JAZF1: variants seen among roughly 807,000 people sequenced by gnomAD.
The protein encoded by JAZF1 is JAZF zinc finger 1, also known as juxtaposed with another zinc finger protein 1.
A neutral mutation model predicts 26.4 loss-of-function variants in JAZF1; 8 were observed. That is an observed-to-expected ratio of 0.30 (90% CI 0.18 to 0.55). The LOEUF is 0.55. Ranked by LOEUF, JAZF1 falls within the 20% of genes least tolerant of loss-of-function variation. JAZF1 has a pLI of 0.94. For synonymous variants in JAZF1, 126 were observed against 122.3 expected, an observed-to-expected ratio of 1.03 and a Z score of -0.20; for missense variants, 199 against 322.0, an observed-to-expected ratio of 0.62 and a Z score of 2.92.
chr7:27,969,724 T>C (rs1441727932), intron 2 of JAZF1, among the ~76,000 whole-genome samples: 1 of 152,168 alleles, frequency 6.6e-6, no homozygotes. Context: ...CCACACAGTC[T>C]GTATGTCTGG....
intron 1 of JAZF1, among the ~76,000 whole-genome samples, chr7:28,135,575 C>A (rs973499660): frequency 6.6e-6 from 1 of 152,172 alleles, no homozygotes; most frequent in African/African-American, 2.4e-5. Flanking sequence ...AACCGCCCCC[C>A]ACACATGGAC....
At chr7:28,180,124 G>T (rs2127957315) in intron 1 of JAZF1, among the ~76,000 whole-genome samples, 1 of 129,060 alleles carries the variant, frequency 7.7e-6, no homozygotes, top group Middle Eastern at 4.5e-3. Context: ...CGCCCCGCGC[G>T]CCGGCACTCG....
At chr7:28,169,785 A>G (rs1368807150) in intron 1 of JAZF1, among the ~76,000 whole-genome samples, 2 of 152,228 alleles carry the variant, frequency 1.3e-5, no homozygotes, top group Non-Finnish European at 2.9e-5. Context: ...CTGTACAAGT[A>G]TGCCTCTACA....
intron 2 of JAZF1, among the ~76,000 whole-genome samples, chr7:27,973,472 A>AT (rs1785414124): frequency 6.6e-6 from 1 of 151,940 alleles, no homozygotes; most frequent in African/African-American, 2.4e-5. Context: ...TAATTTAAAA[A>AT]TTTTTTTGAA....
chr7:28,073,117 C>T (rs1219058493), intron 1 of JAZF1, among the ~76,000 whole-genome samples: 2 of 152,182 alleles, frequency 1.3e-5, no homozygotes, highest in Non-Finnish European at 2.9e-5. Flanking sequence ...CAAAACACAA[C>T]ACTATCGTCT....
intron 1 of JAZF1, among the ~76,000 whole-genome samples, chr7:28,122,004 T>G (rs965693684): frequency 1.3e-5 from 2 of 152,216 alleles, no homozygotes; most frequent in African/African-American, 2.4e-5. Flanking sequence ...CAAAGAATAT[T>G]CCTTGCATTT....
chr7:28,008,635 A>G (rs918884262), intron 1 of JAZF1, among the ~76,000 whole-genome samples: 3 of 152,244 alleles, frequency 2.0e-5, no homozygotes, highest in Non-Finnish European at 4.4e-5. Flanking sequence ...ACACTAAAAC[A>G]GAAACCTGAA....
chr7:28,139,007 G>A (rs1583580909), intron 1 of JAZF1, among the ~76,000 whole-genome samples: 1 of 53,490 alleles, frequency 1.9e-5, no homozygotes, highest in Non-Finnish European at 6.0e-5. Flanking sequence ...GACCTGAAGT[G>A]GAGGGGCTGA....
chr7:27,907,491 C>T (rs527633433), intron 2 of JAZF1, among the ~76,000 whole-genome samples: 2 of 152,254 alleles, frequency 1.3e-5, no homozygotes, highest in South Asian at 2.1e-4. Flanking sequence ...AGATAGGTAT[C>T]GAAGCCTGGG....
intron 2 of JAZF1, among the ~76,000 whole-genome samples, chr7:27,953,024 A>G (rs542360981): frequency 6.6e-4 from 100 of 152,264 alleles, no homozygotes; most frequent in Non-Finnish European, 1.1e-3. Context: ...AGGCAGTAAC[A>G]TAGGATATTA....
chr7:27,964,369 G>C (rs1413951194), intron 2 of JAZF1, among the ~76,000 whole-genome samples: 2 of 152,110 alleles, frequency 1.3e-5, no homozygotes, highest in Non-Finnish European at 2.9e-5. Context: ...GCATGTTTCG[G>C]TGAACTCTAT....
At chr7:28,005,041 T>C (rs1029064262) in intron 1 of JAZF1, among the ~76,000 whole-genome samples, 1 of 152,190 alleles carries the variant, frequency 6.6e-6, no homozygotes. Context: ...TTAGTAATTA[T>C]GTAGACAAGT....
intron 1 of JAZF1, among the ~76,000 whole-genome samples, chr7:28,105,667 A>C (rs1251743160): frequency 6.6e-6 from 1 of 152,216 alleles, no homozygotes; most frequent in East Asian, 1.9e-4. Flanking sequence ...TTAAGACTTA[A>C]TCAGCTTAAT....
At chr7:28,173,697 G>A (rs1460695965) in intron 1 of JAZF1, among the ~76,000 whole-genome samples, 2 of 151,996 alleles carry the variant, frequency 1.3e-5, no homozygotes, top group African/African-American at 2.4e-5. Context: ...AGGCCAGTGG[G>A]TGAGCTGGGC....
chr7:27,849,956 C>G (rs1015012420), intron 3 of JAZF1, among the ~76,000 whole-genome samples: 3 of 152,032 alleles, frequency 2.0e-5, no homozygotes, highest in Admixed American at 6.5e-5. Context: ...GGAGATGGCC[C>G]AATTCTGTTT....
At chr7:27,866,977 C>A (rs1480819761) in intron 3 of JAZF1, among the ~76,000 whole-genome samples, 1 of 152,206 alleles carries the variant, frequency 6.6e-6, no homozygotes, top group African/African-American at 2.4e-5. Context: ...GAGTGCCTCA[C>A]TCTTAACGAC....
intron 2 of JAZF1, among the ~76,000 whole-genome samples, chr7:27,988,996 A>G (rs1485995913): frequency 1.3e-5 from 2 of 151,708 alleles, no homozygotes; most frequent in Non-Finnish European, 2.9e-5. Context: ...TCCTAAGCCA[A>G]AACAACAAAG....
chr7:28,042,761 C>T lies in JAZF1; in HGVS notation c.116-50780G>A, dbSNP rs115939311. On this transcript the variant is annotated intron_variant, in intron 1 of 4. Coordinates refer to ENST00000283928, the MANE Select transcript of JAZF1 (RefSeq NM_175061.4). ...AATACCATTGTGTTATAATCACCTA[C>T]AGTATTCAGTACAGTAACATACTAT... Among the ~76,000 whole-genome samples, 633 of 152,248 alleles carry T rather than the reference C, an allele frequency of 4.2e-3. 10 individuals are homozygous for T. Among genetic ancestry groups the T allele is most frequent in the African/African-American group, 0.015 (606 of 41,528 alleles).
At chr7:27,890,282 A>C (rs1425047807) in intron 3 of JAZF1, among the ~76,000 whole-genome samples, 1 of 152,220 alleles carries the variant, frequency 6.6e-6, no homozygotes, top group Non-Finnish European at 1.5e-5. Context: ...ACAGCTTGCA[A>C]ACCTGATTAT....
Sources: gnomAD v4.1 joint callset for allele counts (sites outside exome capture counted in the v4.1 genomes callset) on GRCh38, gnomAD v4.1.1 for gene constraint, MANE v1.5 for transcripts, NCBI Gene and HGNC (gene_info 2026-07-23, HGNC 2026-07-21) for gene names.